WIPI2: variants seen among roughly 807,000 people sequenced by gnomAD.
WIPI2 encodes WD repeat domain, phosphoinositide interacting 2.
In WIPI2, 28 loss-of-function variants were observed where a neutral mutation model predicts 52.3. The ratio of observed to expected loss-of-function variants is 0.54; its 90% CI spans 0.40 to 0.73. The LOEUF is 0.73. Ranked by LOEUF, WIPI2 falls within the 30% of genes least tolerant of loss-of-function variation. The pLI is 0.00. For missense variants in WIPI2, 506 were observed against 602.9 expected (o/e 0.84, Z 1.68); for synonymous variants, 268 against 245.0 (o/e 1.09, Z -0.88).
At position 5,195,321 on chromosome 7, in the gene WIPI2, T is replaced by A. The variant is rs114021313; in HGVS notation, c.128+2150T>A. On this transcript the variant is annotated intron_variant, in intron 2 of 12. Transcript: ENST00000288828. Reference sequence around the variant, plus strand: ...GGGCAACACAGGGAGACCTCGACTCTACACAAAACAAAAATTAGCCGGGTG... The same window carrying A: ...GGGCAACACAGGGAGACCTCGACTCAACACAAAACAAAAATTAGCCGGGTG... 2.9e-3 allele frequency among the ~76,000 whole-genome samples: 441 copies of A among 152,058 alleles called. 1 individual carries two copies. The highest frequency in any genetic ancestry group is 0.01 in the African/African-American group (422 of 41,512).
Position 5,211,201 on chromosome 7 carries a change from G to A in WIPI2, c.212-3334G>A, listed in dbSNP as rs1348358614. Among the ~76,000 whole-genome samples the A allele has an allele frequency of 2.6e-5, 4 of 152,366 alleles. No homozygotes were observed. In the East Asian group the frequency reaches 7.7e-4, roughly 29 times the overall value. On this transcript the variant is annotated intron_variant, in intron 3 of 12. Coordinates refer to ENST00000288828, the MANE Select transcript of WIPI2 (RefSeq NM_015610.4). ...AAATCTTTTCCCGAGGCTGGGAGCGGTGGCTCACGCCTGTAATCCAAGCAC... is the reference window on the plus strand; with the variant it reads ...AAATCTTTTCCCGAGGCTGGGAGCGATGGCTCACGCCTGTAATCCAAGCAC...
intron 3 of WIPI2, among the ~76,000 whole-genome samples, chr7:5,205,817 A>G (rs1032555225): frequency 6.6e-6 from 1 of 150,550 alleles, no homozygotes; most frequent in Non-Finnish European, 1.5e-5. Context: ...CTTATTTACA[A>G]TTCTTACATC....
In WIPI2 at chr7:5,221,009, G is replaced by T. The variant is rs148259292; in HGVS notation, c.670-1593G>T. On this transcript the variant is annotated intron_variant, in intron 7 of 12. Coordinates refer to ENST00000288828, the MANE Select transcript of WIPI2 (RefSeq NM_015610.4). ...GACGGAGTCTTGCTGTGTCACCCAG[G>T]CTCAAGTGCAGTGGTATGATCTCGG... Among the ~76,000 whole-genome samples the T allele has an allele frequency of 1.9e-3, 272 of 146,842 alleles. 1 individual carries two copies. The highest frequency in any genetic ancestry group is 6.4e-3 in the African/African-American group (253 of 39,684).
In WIPI2 at chr7:5,227,403, T is replaced by C. The variant is rs757714583; in HGVS notation, c.1013+59T>C. On this transcript the variant is annotated intron_variant, in intron 10 of 12. Coordinates refer to ENST00000288828, the MANE Select transcript of WIPI2 (RefSeq NM_015610.4). The surrounding 1 kb of genome is among the most constrained non-coding windows in gnomAD (Gnocchi z 8.1). ...GTGTGCCTCAGGCCGAGGGGCCCAG[T>C]CCTGGCGGCTTGTGGCCCCTTCCGT... 17 of 1,582,378 alleles carry C rather than the reference T, an allele frequency of 1.1e-5. No individual in the cohort carries two copies. The highest frequency in any genetic ancestry group is 1.4e-5 in the Non-Finnish European group (16 of 1,167,644).
chr7:5,191,266 C>T (rs1034171454), intron 1 of WIPI2, among the ~76,000 whole-genome samples: 1 of 152,166 alleles, frequency 6.6e-6, no homozygotes, highest in Non-Finnish European at 1.5e-5. Flanking sequence ...AAGTGATCCG[C>T]CCACCTCAGC....
At chr7:5,201,218 G>A (rs1486157298) in intron 3 of WIPI2, among the ~76,000 whole-genome samples, 1 of 152,222 alleles carries the variant, frequency 6.6e-6, no homozygotes. Context: ...TCCAGATCCA[G>A]ATGAAGCGCC....
intron 3 of WIPI2, among the ~76,000 whole-genome samples, chr7:5,203,010 GA>G (rs1782105947): frequency 6.6e-6 from 1 of 152,160 alleles, no homozygotes; most frequent in African/African-American, 2.4e-5. Context: ...ATTCCGTTCT[GA>G]AACCCAGCAC....
At chr7:5,190,636 G>A in intron 1 of WIPI2, 143 bp downstream of exon 1, 1 of 801,426 alleles carries the variant, frequency 1.2e-6, no homozygotes, top group Non-Finnish European at 1.7e-6. Flanking sequence ...CCCAGGGGCG[G>A]GCCCGGGGCG....
At chr7:5,200,155 G>A (rs942026179) in intron 3 of WIPI2, among the ~76,000 whole-genome samples, 1 of 152,118 alleles carries the variant, frequency 6.6e-6, no homozygotes, top group South Asian at 2.1e-4. Context: ...GGTTCTAGAT[G>A]GATTACTTCA....
At position 5,217,163 on chromosome 7, in the gene WIPI2, G is replaced by A. The variant is rs1562399959; in HGVS notation, c.552G>A (p.Val184=). The change falls in exon 6 of 13, where the codon GTG becomes GTA. Residue 184 remains valine, a synonymous_variant. Coordinates refer to ENST00000288828, the MANE Select transcript of WIPI2 (RefSeq NM_015610.4). ...AYPGSATIGE[V]QVFDTINLRA... is the part of the protein sequence containing the mutation. ...CAGGGAGCGCGACCATCGGAGAGGT[G>A]CAGGTCTTCGATACCATTAATTTGG... 6.2e-7 allele frequency: 1 copy of A among 1,614,176 alleles called. No individual in the cohort carries two copies. Among genetic ancestry groups the A allele is most frequent in the Admixed American group, 1.7e-5 (1 of 60,020 alleles).
At chr7:5,201,751 A>G (rs1782038259) in intron 3 of WIPI2, among the ~76,000 whole-genome samples, 1 of 152,234 alleles carries the variant, frequency 6.6e-6, no homozygotes, top group Non-Finnish European at 1.5e-5. Context: ...CTTAATAAAT[A>G]ATAAAAAATA....
At chr7:5,228,353 T>G in intron 11 of WIPI2, 142 bp downstream of exon 11, 4 of 767,872 alleles carry the variant, frequency 5.2e-6, no homozygotes, top group Non-Finnish European at 7.9e-6. Flanking sequence ...GCCGCGCAGG[T>G]CGGGAGCTTC....
chr7:5,227,278 A>G lies in WIPI2; in HGVS notation c.947A>G (p.Gln316Arg). ...LPSQVTEMFN[Q>R]GRAFATVRLP... ...TCCCAAGTGACAGAAATGTTCAACC[A>G]GGGCAGAGCCTTCGCCACGGTCCGC... The change falls in exon 10 of 13, where the codon CAG becomes CGG. Residue 316 changes from glutamine (Q) to arginine (R), a missense_variant. Around this residue, in one of 4 missense-constraint regions of WIPI2, gnomAD observed 237 missense variants for 346.9 expected, o/e 0.68. Coordinates refer to ENST00000288828, the MANE Select transcript of WIPI2 (RefSeq NM_015610.4). This position sits in a 1 kb window ranked among gnomAD's most constrained non-coding sequence, Gnocchi z 8.1. 6.2e-7 allele frequency: 1 copy of G among 1,613,620 alleles called. No homozygotes were observed. Among genetic ancestry groups the G allele is most frequent in the Non-Finnish European group, 8.5e-7 (1 of 1,180,020 alleles).
intron 11 of WIPI2, among the ~76,000 whole-genome samples, chr7:5,229,222 A>G (rs542516509): frequency 8.6e-5 from 13 of 152,012 alleles, no homozygotes; most frequent in African/African-American, 3.1e-4. Flanking sequence ...TCACTGTGTT[A>G]GCCAGGATGG....
At chr7:5,210,953 C>T (rs1276232947) in intron 3 of WIPI2, among the ~76,000 whole-genome samples, 2 of 152,190 alleles carry the variant, frequency 1.3e-5, no homozygotes, top group Admixed American at 6.5e-5. Context: ...GTGCTTTCTC[C>T]GCGGGGTACA....
intron 2 of WIPI2, among the ~76,000 whole-genome samples, chr7:5,198,257 G>A (rs1195925402): frequency 1.3e-5 from 2 of 152,076 alleles, no homozygotes; most frequent in Admixed American, 6.6e-5. Context: ...ACAGAGAGAT[G>A]CCTGCGCCCA....
chr7:5,203,449 A>G (rs564901579), intron 3 of WIPI2, among the ~76,000 whole-genome samples: 24 of 152,310 alleles, frequency 1.6e-4, no homozygotes, highest in African/African-American at 4.1e-4. Context: ...CCACGCCAGC[A>G]GAAGCAAAAA....
chr7:5,221,972 C>G (rs917142428), intron 7 of WIPI2, among the ~76,000 whole-genome samples: 1 of 148,298 alleles, frequency 6.7e-6, no homozygotes, highest in Admixed American at 6.7e-5. Flanking sequence ...TTTTCCCCCC[C>G]CGAGATGGAG....
intron 12 of WIPI2, 55 bp downstream of exon 12, chr7:5,229,793 A>T (rs7785898): frequency 3.7e-6 from 6 of 1,603,048 alleles, no homozygotes; most frequent in Non-Finnish European, 4.3e-6. Context: ...CCCGAGTGCT[A>T]CTGCCTTCTG....
Sources: allele counts gnomAD v4.1 joint callset (sites outside exome capture counted in the v4.1 genomes callset), GRCh38; gene constraint gnomAD v4.1.1; regional missense constraint gnomAD v4.1.1; non-coding constraint Gnocchi (gnomAD v3.1); transcripts MANE v1.5; gene names NCBI Gene and HGNC (gene_info 2026-07-23, HGNC 2026-07-21).